The following RARB variants were observed in gnomAD, a reference collection of about 807,000 sequenced individuals.
RARB encodes the protein retinoic acid receptor beta.
RARB carries 17 observed loss-of-function variants against 51.9 expected under a neutral mutation model. The observed-to-expected ratio is 0.33, with a 90% CI of 0.22 to 0.49. The LOEUF (loss-of-function observed/expected upper bound fraction) is 0.49, where lower values mean the gene tolerates loss of function less well. Ranked by LOEUF, RARB falls within the 20% of genes least tolerant of loss-of-function variation. The pLI is 0.99. For missense variants in RARB, 369 were observed against 550.8 expected, an observed-to-expected ratio of 0.67 and a Z score of 3.30; for synonymous variants, 215 against 195.4, an observed-to-expected ratio of 1.10 and a Z score of -0.84.
intron 2 of RARB, among the ~76,000 whole-genome samples, chr3:25,056,395 A>C (rs928152092): frequency 2.0e-5 from 3 of 152,196 alleles, no homozygotes; most frequent in Non-Finnish European, 4.4e-5. Flanking sequence ...TTTTGTGAAC[A>C]TAATTTGCCC....
intron 5 of RARB, among the ~76,000 whole-genome samples, chr3:25,274,111 A>G (rs137912005): frequency 6.5e-4 from 99 of 152,356 alleles, no homozygotes; most frequent in African/African-American, 2.2e-3. Flanking sequence ...AAACCTTTTG[A>G]TCACCACATT....
At chr3:24,951,997 A>T (rs1341350411) in intron 2 of RARB, among the ~76,000 whole-genome samples, 1 of 152,220 alleles carries the variant, frequency 6.6e-6, no homozygotes, top group Middle Eastern at 3.2e-3. Flanking sequence ...CCCTGTATTC[A>T]AGTGATTATT....
chr3:24,925,393 A>C (rs2125389793), intron 2 of RARB, among the ~76,000 whole-genome samples: 1 of 152,194 alleles, frequency 6.6e-6, no homozygotes, highest in African/African-American at 2.4e-5. Flanking sequence ...CTGTAATCCC[A>C]GCACTTTGGG....
At position 24,979,538 on chromosome 3, in the gene RARB, T is replaced by C. The variant is rs141644827; in HGVS notation, c.-379-80587T>C. ...ATCTTTGTTGGTTTAAAATTTGTTT[T>C]ATCAGAGGCCAGGATTGCAACTCCT... On this transcript the variant is annotated intron_variant, in intron 2 of 11. Transcript: ENST00000383772. 1.3e-3 allele frequency among the ~76,000 whole-genome samples: 199 copies of C among 152,338 alleles called. 3 individuals are homozygous for C. The highest frequency in any genetic ancestry group is 4.6e-3 in the African/African-American group (193 of 41,564).
intron 2 of RARB, among the ~76,000 whole-genome samples, chr3:24,947,273 C>T (rs1228775945): frequency 6.6e-6 from 1 of 152,174 alleles, no homozygotes; most frequent in Non-Finnish European, 1.5e-5. Context: ...ATACGTGAAC[C>T]TATATAATAT....
At chr3:25,035,896 C>G (rs887390062) in intron 2 of RARB, among the ~76,000 whole-genome samples, 2 of 152,168 alleles carry the variant, frequency 1.3e-5, no homozygotes, top group African/African-American at 4.8e-5. Context: ...ACTGCCACAA[C>G]TGAGGTGGTT....
chr3:25,001,430 A>G (rs1007834629), intron 2 of RARB, among the ~76,000 whole-genome samples: 3 of 152,118 alleles, frequency 2.0e-5, no homozygotes, highest in African/African-American at 4.8e-5. Flanking sequence ...CAGAGTAGCA[A>G]TGTGGATACT....
At chr3:25,066,553 T>C (rs1698666323) in intron 3 of RARB, among the ~76,000 whole-genome samples, 1 of 152,058 alleles carries the variant, frequency 6.6e-6, no homozygotes, top group African/African-American at 2.4e-5. Flanking sequence ...CATTTTACTC[T>C]CCTGATTCTG....
chr3:25,047,358 G>A (rs1288998717), intron 2 of RARB, among the ~76,000 whole-genome samples: 1 of 152,066 alleles, frequency 6.6e-6, no homozygotes, highest in African/African-American at 2.4e-5. Context: ...AAGCGTTCCA[G>A]CCCATCAGGT....
At chr3:25,515,722 A>G (rs1035121771) in intron 3 of RARB, among the ~76,000 whole-genome samples, 16 of 152,236 alleles carry the variant, frequency 1.1e-4, no homozygotes, top group African/African-American at 3.1e-4. Context: ...ACTTGTCTAT[A>G]TGATAATGAG....
chr3:25,497,478 A>G (rs1397258733), intron 2 of RARB, among the ~76,000 whole-genome samples: 1 of 151,242 alleles, frequency 6.6e-6, no homozygotes, highest in African/African-American at 2.4e-5. Flanking sequence ...GCCCGCAGAA[A>G]CTCCCCAAGT....
upstream of RARB, among the ~76,000 whole-genome samples, chr3:25,425,148 G>A (rs1191935269): frequency 6.6e-6 from 1 of 152,146 alleles, no homozygotes; most frequent in African/African-American, 2.4e-5. Context: ...GAAGATATTT[G>A]GGAAAGTTTC....
chr3:25,406,031 C>T (rs1707398424), intron 5 of RARB, among the ~76,000 whole-genome samples: 1 of 152,122 alleles, frequency 6.6e-6, no homozygotes, highest in Non-Finnish European at 1.5e-5. Context: ...CCTTAGAGGA[C>T]TCCCATCTCC....
chr3:25,237,450 G>A (rs992384329), intron 5 of RARB, among the ~76,000 whole-genome samples: 1 of 151,950 alleles, frequency 6.6e-6, no homozygotes, highest in African/African-American at 2.4e-5. Flanking sequence ...TCTTACAGGA[G>A]AGAAAAATGT....
intron 5 of RARB, among the ~76,000 whole-genome samples, chr3:25,380,233 C>G (rs1475103074): frequency 6.6e-6 from 1 of 152,170 alleles, no homozygotes; most frequent in Non-Finnish European, 1.5e-5. Context: ...CCCAGAGTGA[C>G]AGGATCCTCG....
At chr3:25,086,333 A>T (rs1699105239) in intron 3 of RARB, among the ~76,000 whole-genome samples, 1 of 152,180 alleles carries the variant, frequency 6.6e-6, no homozygotes, top group Non-Finnish European at 1.5e-5. Context: ...AATACATCTT[A>T]CAAGATTTCC....
intron 2 of RARB, among the ~76,000 whole-genome samples, chr3:25,059,390 C>A (rs985334583): frequency 2.0e-5 from 3 of 151,790 alleles, no homozygotes; most frequent in Admixed American, 2.0e-4. Flanking sequence ...CAGAAAAAAA[C>A]CATACCGATA....
At chr3:25,368,624 T>G (rs1193326344) in intron 5 of RARB, among the ~76,000 whole-genome samples, 2 of 152,252 alleles carry the variant, frequency 1.3e-5, no homozygotes, top group South Asian at 2.1e-4. Flanking sequence ...AAGGCACTCC[T>G]GGTTCTGCTT....
chr3:25,007,605 C>CAAAAAAAAAAAAAAAAAAAA (rs1279154112), intron 2 of RARB, among the ~76,000 whole-genome samples: 1 of 60,640 alleles, frequency 1.6e-5, no homozygotes, highest in African/African-American at 5.8e-5. Flanking sequence ...AAAAAAAAAA[C>CAAAAAAAAAAAAAAAAAAAA]AAAAAAACCT....
Sources: gnomAD v4.1 joint callset for allele counts (sites outside exome capture counted in the v4.1 genomes callset) on GRCh38, gnomAD v4.1.1 for gene constraint, MANE v1.5 for transcripts, NCBI Gene and HGNC (gene_info 2026-07-23, HGNC 2026-07-21) for gene names.